The following TMEM200A variants were observed in gnomAD, a reference collection of about 807,000 sequenced individuals.
The protein encoded by TMEM200A is transmembrane protein 200A, also known as two transmembrane C.
TMEM200A carries 12 observed loss-of-function variants against 24.3 expected under a neutral mutation model. That is an observed-to-expected ratio of 0.49 (90% confidence interval 0.32 to 0.80). TMEM200A has a LOEUF of 0.80. Ranked by LOEUF, TMEM200A falls within the 30% of genes least tolerant of loss-of-function variation. TMEM200A has a pLI of 0.04. For synonymous variants in TMEM200A, 224 were observed against 224.4 expected (o/e 1.00, Z 0.02); for missense variants, 545 against 614.4 (o/e 0.89, Z 1.19).
chr6:130,371,968 T>G (rs186330952), intron 1 of TMEM200A, among the ~76,000 whole-genome samples: 42 of 152,348 alleles, frequency 2.8e-4, no homozygotes, highest in Admixed American at 1.6e-3. Flanking sequence ...ATACGTAAGC[T>G]CACTAAATCT....
intron 2 of TMEM200A, among the ~76,000 whole-genome samples, chr6:130,397,021 A>G (rs2115121930): frequency 6.6e-6 from 1 of 152,258 alleles, no homozygotes; most frequent in Non-Finnish European, 1.5e-5. Flanking sequence ...ATGATTTCCT[A>G]GTTCACATGC....
chr6:130,393,038 T>C (rs1778872011), intron 2 of TMEM200A, among the ~76,000 whole-genome samples: 1 of 152,246 alleles, frequency 6.6e-6, no homozygotes, highest in Non-Finnish European at 1.5e-5. Flanking sequence ...ACTTACAAAA[T>C]CATGGGAGCA....
rs966437154 is a variant in TMEM200A at position 130,366,907 on chromosome 6, G to A, written c.-81+383G>A. Among the ~76,000 whole-genome samples, 14 of 151,550 alleles carry A rather than the reference G, an allele frequency of 9.2e-5. No homozygotes were observed. The highest frequency in any genetic ancestry group is 4.6e-4 in the Admixed American group (7 of 15,236). Reference sequence around the variant, plus strand: ...GGTTTCGTAAAGCAGTATCTGGATGGGGTAGAATCTACACAGGCAAAATGG... The same window carrying A: ...GGTTTCGTAAAGCAGTATCTGGATGAGGTAGAATCTACACAGGCAAAATGG... On this transcript the variant is annotated intron_variant, in intron 1 of 2. Coordinates refer to ENST00000296978, the MANE Select transcript of TMEM200A (RefSeq NM_001258277.2). This position sits in a 1 kb window ranked among gnomAD's most constrained non-coding sequence, Gnocchi z 4.4.
intron 2 of TMEM200A, among the ~76,000 whole-genome samples, chr6:130,433,849 G>A (rs1192706322): frequency 6.6e-6 from 1 of 152,122 alleles, no homozygotes; most frequent in Non-Finnish European, 1.5e-5. Flanking sequence ...AAATCAGAGG[G>A]CAGGGACCCT....
In TMEM200A at chr6:130,441,507, C is replaced by T. The variant is rs1780178688; in HGVS notation, c.1085C>T (p.Ser362Phe). ...TCGTTGTCGAGTCAGTACAAGTCAT[C>T]TATGGCTCTCGGACCTGGGGCTGGA... The part of the protein sequence containing the change: ...GESLSSQYKS[S>F]MALGPGAGQL... Residue 362 changes from serine to phenylalanine, a missense_variant, in exon 3 of 3, where the codon TCT (serine) becomes TTT (phenylalanine). Coordinates refer to ENST00000296978, the MANE Select transcript of TMEM200A (RefSeq NM_001258277.2). 6.2e-7 allele frequency: 1 copy of T among 1,613,936 alleles called. No individual in the cohort carries two copies.
chr6:130,375,148 T>A (rs533171256), intron 1 of TMEM200A, among the ~76,000 whole-genome samples: 3 of 152,328 alleles, frequency 2.0e-5, no homozygotes, highest in South Asian at 4.2e-4. Context: ...CCTTTATGGA[T>A]CTCAGTCAGT....
chr6:130,407,299 T>C (rs752974114), intron 2 of TMEM200A, among the ~76,000 whole-genome samples: 1 of 152,206 alleles, frequency 6.6e-6, no homozygotes, highest in Non-Finnish European at 1.5e-5. Flanking sequence ...TTTAGGGATT[T>C]GGTTCATCTT....
At position 130,388,719 on chromosome 6, in the gene TMEM200A, C is replaced by T. The variant is rs187006527; in HGVS notation, c.-17+3483C>T. On this transcript the variant is annotated intron_variant, in intron 2 of 2. Coordinates refer to ENST00000296978, the MANE Select transcript of TMEM200A (RefSeq NM_001258277.2). ...GATGTTTACATTAAATAGTTCATTACTCAATTGTAAATACTAAAATTGGCA... is the reference window on the plus strand; with the variant it reads ...GATGTTTACATTAAATAGTTCATTATTCAATTGTAAATACTAAAATTGGCA... Among the ~76,000 whole-genome samples the T allele has an allele frequency of 1.9e-3, 287 of 152,160 alleles. 1 individual carries two copies. Among genetic ancestry groups the T allele is most frequent in the Middle Eastern group, 0.01 (3 of 294 alleles).
At chr6:130,428,912 A>AAGAT (rs1401299530) in intron 2 of TMEM200A, among the ~76,000 whole-genome samples, 10 of 152,200 alleles carry the variant, frequency 6.6e-5, no homozygotes, top group Admixed American at 5.9e-4. Context: ...CAACTACTTG[A>AAGAT]AGATAGAAAT....
upstream of TMEM200A, chr6:130,365,685 C>A (rs965897061): frequency 3.5e-5 from 34 of 985,348 alleles, no homozygotes; most frequent in African/African-American, 5.6e-4. Flanking sequence ...CGTTTCCGCA[C>A]GCCAGCCTTC....
chr6:130,437,834 AAT>A (rs1389123161), intron 2 of TMEM200A: 1 of 152,106 alleles, frequency 6.6e-6, no homozygotes, highest in Non-Finnish European at 1.5e-5. Flanking sequence ...TTTTTCTTAA[AAT>A]ATCTTTTCTC....
intron 2 of TMEM200A, among the ~76,000 whole-genome samples, chr6:130,428,389 ACTTTATCCTCCACCTTTTCCTTTTTT>A (rs1779797123): frequency 6.6e-6 from 1 of 152,024 alleles, no homozygotes; most frequent in South Asian, 2.1e-4. Flanking sequence ...CTCTTCCTAT[ACTTTATCCTCCACCTTTTCCTTTTTT>A]CTTTATCCTC....
chr6:130,434,385 G>A (rs779118131), intron 2 of TMEM200A, among the ~76,000 whole-genome samples: 1 of 152,216 alleles, frequency 6.6e-6, no homozygotes, highest in South Asian at 2.1e-4. Context: ...AGGAATGGCT[G>A]GATCCAAAGA....
chr6:130,424,532 T>C (rs964544820), intron 2 of TMEM200A, among the ~76,000 whole-genome samples: 4 of 152,178 alleles, frequency 2.6e-5, no homozygotes, highest in Non-Finnish European at 5.9e-5. Flanking sequence ...TTCTTTCTTT[T>C]TTTCTGGAGT....
rs1346667629 is a variant in TMEM200A, at chr6:130,418,704, G to GT, written c.-16-21700dup. Among the ~76,000 whole-genome samples, 4 of 152,108 alleles carry GT rather than the reference G, an allele frequency of 2.6e-5. No homozygotes were observed. In the East Asian group the frequency reaches 7.7e-4, roughly 29 times the overall value. ...AGGCTTTAGAGTCAGAAAGATCTGGGTTTGGGTCCTTCCTTTGGTCACACA... is the reference window on the plus strand; with the variant it reads ...AGGCTTTAGAGTCAGAAAGATCTGGGTTTTGGGTCCTTCCTTTGGTCACACA... On this transcript the variant is annotated intron_variant, in intron 2 of 2. Coordinates refer to ENST00000296978, the MANE Select transcript of TMEM200A (RefSeq NM_001258277.2).
At chr6:130,428,822 T>C (rs1779807164) in intron 2 of TMEM200A, among the ~76,000 whole-genome samples, 1 of 152,214 alleles carries the variant, frequency 6.6e-6, no homozygotes, top group Non-Finnish European at 1.5e-5. Context: ...AAACTGTTTT[T>C]CTTAAACAGC....
At chr6:130,404,723 G>C (rs559701116) in intron 2 of TMEM200A, among the ~76,000 whole-genome samples, 1 of 152,080 alleles carries the variant, frequency 6.6e-6, no homozygotes, top group South Asian at 2.1e-4. Context: ...TGCTTTTGGC[G>C]TCTTTGTCAT....
At chr6:130,439,912 C>A (rs1361629858) in intron 2 of TMEM200A, among the ~76,000 whole-genome samples, 4 of 152,100 alleles carry the variant, frequency 2.6e-5, no homozygotes, top group Admixed American at 2.6e-4. Context: ...CCATGAATTG[C>A]TGGAATGTAT....
chr6:130,415,590 C>G (rs183991444), intron 2 of TMEM200A, among the ~76,000 whole-genome samples: 3 of 152,260 alleles, frequency 2.0e-5, no homozygotes, highest in Admixed American at 6.5e-5. Context: ...TCTCTTTGAG[C>G]CCTACTTTCG....
Sources: allele counts gnomAD v4.1 joint callset (sites outside exome capture counted in the v4.1 genomes callset), GRCh38; gene constraint gnomAD v4.1.1; non-coding constraint Gnocchi (gnomAD v3.1); transcripts MANE v1.5; gene names NCBI Gene and HGNC (gene_info 2026-07-23, HGNC 2026-07-21).